Variants in TSC2 observed in about 807,000 individuals in gnomAD.
TSC2 encodes tuberin.
In TSC2, 29 loss-of-function variants were observed where a neutral mutation model predicts 202.2. That is an observed-to-expected ratio of 0.14 (90% CI 0.11 to 0.20). The LOEUF is 0.20. Among genes scored for constraint, TSC2 ranks in the 10% least tolerant of loss-of-function variants. TSC2 has a pLI of 1.00. For synonymous variants in TSC2, 1,349 were observed against 1,044.0 expected (o/e 1.29, Z -5.63); for missense variants, 2,429 against 2,420.0 (o/e 1.00, Z -0.08).
At chr16:2,061,657 G>T (rs2086649897) in intron 11 of TSC2, 4 of 698,634 alleles carry the variant, frequency 5.7e-6, no homozygotes, top group Non-Finnish European at 9.8e-6. Flanking sequence ...TGGGCCACGT[G>T]GGTCAGGGTG....
chr16:2,058,532 G>A (rs1479635850), intron 9 of TSC2, among the ~76,000 whole-genome samples: 16 of 152,360 alleles, frequency 1.1e-4, no homozygotes, highest in Non-Finnish European at 1.9e-4. Context: ...AGCTCACAGC[G>A]TGGTCAGCAG....
At chr16:2,087,141 C>G in intron 38 of TSC2, 1 of 540,802 alleles carries the variant, frequency 1.8e-6, no homozygotes, top group Non-Finnish European at 3.3e-6. Flanking sequence ...GTAGTTGGTG[C>G]TTCCTGTCTG....
In TSC2 at chr16:2,089,053, G is replaced by C; in HGVS notation, c.*443G>C. The C allele has an allele frequency of 5.2e-6, 1 of 193,530 alleles. No individual in the cohort carries two copies. Among genetic ancestry groups the C allele is most frequent in the South Asian group, 1.0e-4 (1 of 9,652 alleles). The allele number at this position is 193,530 out of a possible 1,614,324, so 12.0% of individuals were successfully genotyped here. A position where few individuals can be genotyped will look rare whatever the true frequency, so the allele number is the denominator to read the frequency against. ...TCTTGCTACCTGGCCTGGGGCAAGG[G>C]AGGATGACAAGGCCTCTGGGGTGAT... On this transcript the variant is annotated 3_prime_UTR_variant, in exon 42 of 42. Coordinates refer to ENST00000219476, the MANE Select transcript of TSC2 (RefSeq NM_000548.5).
At position 2,087,917 on chromosome 16, in the gene TSC2, C is replaced by T. The variant is rs1336904838; in HGVS notation, c.5044C>T (p.Leu1682=). 1 of 1,611,368 alleles carries T rather than the reference C, an allele frequency of 6.2e-7. No homozygotes were observed. Among genetic ancestry groups the T allele is most frequent in the Non-Finnish European group, 8.5e-7 (1 of 1,179,708 alleles). The change falls in exon 39 of 42, where the codon CTG becomes TTG. Residue 1682 remains leucine (L), a synonymous_variant. Coordinates refer to ENST00000219476, the MANE Select transcript of TSC2 (RefSeq NM_000548.5). ...IVTPLDYECN[L]VSLQCRKDME... ...CACCCCGCTGGACTACGAGTGCAAC[C>T]TGGTGTCCCTGCAGTGCAGGAAAGG...
chr16:2,055,104 T>A lies in TSC2; in HGVS notation c.482-298T>A, dbSNP rs1300060855. ...CCAGGAGTCTGGTGATGTCGGCGTC[T>A]CCCAGCCTCGGGTTGGGCCCTGAGT... On this transcript the variant is annotated intron_variant, in intron 5 of 41. Coordinates refer to ENST00000219476, the MANE Select transcript of TSC2 (RefSeq NM_000548.5). 6.3e-6 allele frequency: 3 copies of A among 479,278 alleles called. No homozygotes were observed. The East Asian group carries it at 1.2e-4, about 19-fold the overall frequency. The allele number at this position is 479,278 out of a possible 1,614,324, so 29.7% of individuals were successfully genotyped here. A position where few individuals can be genotyped will look rare whatever the true frequency, so the allele number is the denominator to read the frequency against.
intron 20 of TSC2, 141 bp downstream of exon 20, chr16:2,072,504 G>C: frequency 7.2e-7 from 1 of 1,380,544 alleles, no homozygotes; most frequent in Non-Finnish European, 9.9e-7. Flanking sequence ...CTGGAGCGCA[G>C]ATTGTGCCTT....
chr16:2,080,585 G>A (rs996727822), intron 30 of TSC2: 157 of 616,734 alleles, frequency 2.5e-4, no homozygotes, highest in Middle Eastern at 4.6e-4. Flanking sequence ...CCGGGTTCAC[G>A]CCATTCTCCT....
intron 17 of TSC2, among the ~76,000 whole-genome samples, chr16:2,070,985 GAGGGC>G (rs887720012): frequency 1.4e-5 from 2 of 145,756 alleles, no homozygotes; most frequent in Admixed American, 6.7e-5. Context: ...GCAGAGCTGA[GAGGGC>G]AGGGCAGGGA....
Position 2,084,941 on chromosome 16 carries a change from C to A in TSC2, c.4494-10C>A, listed in dbSNP as rs753499012. ...CTCACCTGGGTGCCCACCATCCCCT[C>A]CCTGTGCAGTTTCGTGTTCCTGCAG... On this transcript the variant is annotated splice_polypyrimidine_tract_variant and intron_variant, in intron 34 of 41. Transcript: ENST00000219476. The A allele has an allele frequency of 1.2e-6, 2 of 1,613,272 alleles. No homozygotes were observed. The highest frequency in any genetic ancestry group is 3.3e-5 in the Admixed American group (2 of 60,028).
At chr16:2,077,400 TATC>T (rs2089542841) in intron 25 of TSC2, 195 bp from the exon 26 acceptor site, 14 of 703,580 alleles carry the variant, frequency 2.0e-5, no homozygotes, top group Non-Finnish European at 3.2e-5. Flanking sequence ...CCAGACGTAT[TATC>T]ATGCATTTTT....
In TSC2 at chr16:2,048,627, A is replaced by G. The variant is rs762387565; in HGVS notation, c.12A>G (p.Pro4=). Residue 4 remains proline (P), a synonymous_variant, in exon 2 of 42, where the codon CCA becomes CCG. Coordinates refer to ENST00000219476, the MANE Select transcript of TSC2 (RefSeq NM_000548.5). ...CGTCCTGGTCCACCATGGCCAAACCAACAAGCAAAGATTCAGGCTTGAAGG... is the reference window on the plus strand; with the variant it reads ...CGTCCTGGTCCACCATGGCCAAACCGACAAGCAAAGATTCAGGCTTGAAGG... The part of the protein sequence containing the change: MAK[P]TSKDSGLKEK... 1 of 1,613,940 alleles carries G rather than the reference A, an allele frequency of 6.2e-7. No individual in the cohort carries two copies. Among genetic ancestry groups the G allele is most frequent in the Admixed American group, 1.7e-5 (1 of 60,010 alleles).
intron 16 of TSC2, among the ~76,000 whole-genome samples, chr16:2,069,339 T>G (rs898963805): frequency 5.3e-5 from 8 of 152,182 alleles, no homozygotes; most frequent in Non-Finnish European, 1.2e-4. Flanking sequence ...TTTTTTGAGA[T>G]GGAGTCTCGC....
At chr16:2,071,440 C>T (rs2151294545) in intron 17 of TSC2, 70 bp from the exon 18 acceptor site, 2 of 1,552,674 alleles carry the variant, frequency 1.3e-6, no homozygotes, top group South Asian at 1.1e-5. Context: ...TGGGTCTGAG[C>T]AGGTGGGACG....
rs1170748581 is a variant in TSC2 at position 2,084,413 on chromosome 16, C to T, written c.4191C>T (p.Ile1397=). The change falls in exon 34 of 42, where the codon ATC becomes ATT. Residue 1397 remains isoleucine (I), a synonymous_variant. Coordinates refer to ENST00000219476, the MANE Select transcript of TSC2 (RefSeq NM_000548.5). ...SSPELQTLQD[I]LGDPGDKADV... is the part of the protein sequence containing the mutation. ...CCGAGCTGCAGACTCTGCAGGACATCCTCGGGGACCCTGGGGACAAGGCCG... is the reference window on the plus strand; with the variant it reads ...CCGAGCTGCAGACTCTGCAGGACATTCTCGGGGACCCTGGGGACAAGGCCG... 6.8e-6 allele frequency: 11 copies of T among 1,611,444 alleles called. No individual in the cohort carries two copies. Among genetic ancestry groups the T allele is most frequent in the Non-Finnish European group, 9.3e-6 (11 of 1,179,574 alleles).
intron 16 of TSC2, chr16:2,066,196 C>T: frequency 6.4e-6 from 1 of 156,234 alleles, no homozygotes; most frequent in Non-Finnish European, 1.4e-5. Context: ...GTGGATTTAC[C>T]TACTCTCAAC....
rs1057375876 is a variant in TSC2, at chr16:2,076,474, T to G, written c.2743-17T>G. 23 of 1,612,530 alleles carry G rather than the reference T, an allele frequency of 1.4e-5. No homozygotes were observed. Among genetic ancestry groups the G allele is most frequent in the Non-Finnish European group, 1.9e-5 (22 of 1,179,756 alleles). On this transcript the variant is annotated splice_polypyrimidine_tract_variant and intron_variant, in intron 24 of 41. Coordinates refer to ENST00000219476, the MANE Select transcript of TSC2 (RefSeq NM_000548.5). Reference sequence around the variant, plus strand: ...CCATTGCCACCCCTCACTGTCTGGGTGTGCTCACTCTGCCAGGGCCTGCGG... The same window carrying G: ...CCATTGCCACCCCTCACTGTCTGGGGGTGCTCACTCTGCCAGGGCCTGCGG...
chr16:2,084,441 G>A lies in TSC2; in HGVS notation c.4219G>A (p.Val1407Met), dbSNP rs45517332. 53 of 1,609,620 alleles carry A rather than the reference G, an allele frequency of 3.3e-5. No individual in the cohort carries two copies. Among genetic ancestry groups the A allele is most frequent in the Admixed American group, 1.5e-4 (9 of 59,736 alleles). ...CGGGGACCCTGGGGACAAGGCCGAC[G>A]TGGGCCGGCTGAGCCCTGAGGTTAA... ...ILGDPGDKAD[V>M]GRLSPEVKAR... The change falls in exon 34 of 42, where the codon GTG (valine) becomes ATG (methionine). Residue 1407 changes from valine (V) to methionine (M), a missense_variant. Physicochemically the swap from Val to Met is conservative, Grantham distance 21. Coordinates refer to ENST00000219476, the MANE Select transcript of TSC2 (RefSeq NM_000548.5).
At chr16:2,051,570 G>A (rs945729311) in intron 3 of TSC2, among the ~76,000 whole-genome samples, 1 of 152,226 alleles carries the variant, frequency 6.6e-6, no homozygotes, top group African/African-American at 2.4e-5. Context: ...GGACAGGACA[G>A]GAAGTGGTCA....
chr16:2,076,399 T>G, intron 24 of TSC2, 92 bp from the exon 25 acceptor site: 1 of 1,590,920 alleles, frequency 6.3e-7, no homozygotes, highest in Non-Finnish European at 8.6e-7. Flanking sequence ...AGCCTGCAGC[T>G]TGTCCCTGGC....
Sources: allele counts gnomAD v4.1 joint callset (sites outside exome capture counted in the v4.1 genomes callset), GRCh38; gene constraint gnomAD v4.1.1; transcripts MANE v1.5; gene names NCBI Gene and HGNC (gene_info 2026-07-23, HGNC 2026-07-21).